FHL1: variants seen among roughly 807,000 people sequenced by gnomAD.
FHL1 encodes four and a half LIM domains 1.
In FHL1, 1 loss-of-function variant was observed where a neutral mutation model predicts 20.3. That is an observed-to-expected ratio of 0.05 (90% CI 0.02 to 0.23). The LOEUF is 0.23. FHL1 is among the 10% of genes least tolerant of loss of function. FHL1 has a pLI of 1.00. For missense variants in FHL1, 177 were observed against 234.0 expected (o/e 0.76, Z 1.59); for synonymous variants, 82 against 88.9 (o/e 0.92, Z 0.44).
chrX:136,167,524 C>A (rs1312264884), upstream of FHL1, among the ~76,000 whole-genome samples: 1 of 111,234 alleles, frequency 9.0e-6, no homozygotes, highest in Non-Finnish European at 1.9e-5. Context: ...CATTTCTTTG[C>A]CCCTGCCACC....
intron 1 of FHL1, among the ~76,000 whole-genome samples, chrX:136,149,925 T>C (rs926420511): frequency 1.8e-5 from 2 of 111,940 alleles, no homozygotes; most frequent in Admixed American, 9.5e-5. Flanking sequence ...CAAATAGCAA[T>C]TGAAAAAATA....
At position 136,197,076 on chromosome X, in the gene FHL1, T is replaced by C. The variant is rs1157748649; in HGVS notation, c.-37T>C. ...TTATCAGCTGGGGTTGAGGGAAGAC[T>C]GGTCTAGGTGCTGCTCCTGAACTTG... is the stretch of plus-strand genomic sequence containing the variant. On this transcript the variant is annotated 5_prime_UTR_variant, in exon 1 of 6. Coordinates refer to ENST00000370683, the MANE Select transcript of FHL1 (RefSeq NM_001159699.2). 8.4e-7 allele frequency: 1 copy of C among 1,197,431 alleles called. No individual in the cohort carries two copies. Among genetic ancestry groups the C allele is most frequent in the Non-Finnish European group, 1.1e-6 (1 of 886,227 alleles).
intron 2 of FHL1, among the ~76,000 whole-genome samples, chrX:136,172,334 C>A (rs893551312): frequency 7.1e-5 from 8 of 112,500 alleles, no homozygotes; most frequent in Admixed American, 4.7e-4. Context: ...AGCACAAAAA[C>A]AACAAAAAAA....
At chrX:136,199,927 T>C (rs2073662438) in intron 1 of FHL1, among the ~76,000 whole-genome samples, 1 of 111,374 alleles carries the variant, frequency 9.0e-6, no homozygotes, top group Non-Finnish European at 1.9e-5. Flanking sequence ...TAAATACAAA[T>C]CGACTGTAAT....
At chrX:136,179,565 G>C (rs1002322230) in intron 2 of FHL1, among the ~76,000 whole-genome samples, 1 of 112,263 alleles carries the variant, frequency 8.9e-6, no homozygotes, top group African/African-American at 3.2e-5. Flanking sequence ...GGAGCAAGAA[G>C]CCTGATGTTT....
chrX:136,171,361 C>T (rs2072863201), intron 2 of FHL1, among the ~76,000 whole-genome samples: 1 of 111,966 alleles, frequency 8.9e-6, no homozygotes, highest in African/African-American at 3.2e-5. Flanking sequence ...GGCTGTGACT[C>T]TCTGTCACCC....
At chrX:136,151,487 G>A (rs1180201486) in intron 1 of FHL1, among the ~76,000 whole-genome samples, 2 of 112,223 alleles carry the variant, frequency 1.8e-5, no homozygotes, top group Admixed American at 9.4e-5. Context: ...TGAGGCAAGC[G>A]GATCACTTGA....
At chrX:136,201,340 G>A (rs1265930379) in intron 1 of FHL1, among the ~76,000 whole-genome samples, 1 of 111,974 alleles carries the variant, frequency 8.9e-6, no homozygotes, top group Non-Finnish European at 1.9e-5. Flanking sequence ...CTTGGGGTGG[G>A]CTGTCCGCAT....
chrX:136,166,965 C>G (rs1471753954), upstream of FHL1: 1 of 112,087 alleles, frequency 8.9e-6, no homozygotes, highest in African/African-American at 3.2e-5. Context: ...CTCATAGAGG[C>G]TGGACAGCTA....
At chrX:136,189,319 T>C (rs1171071801) in intron 2 of FHL1, among the ~76,000 whole-genome samples, 1 of 111,398 alleles carries the variant, frequency 9.0e-6, no homozygotes, top group African/African-American at 3.3e-5. Context: ...TCCTGACCCA[T>C]GTTGAGTCCA....
At chrX:136,186,629 G>A (rs1173889770) in intron 2 of FHL1, among the ~76,000 whole-genome samples, 2 of 110,492 alleles carry the variant, frequency 1.8e-5, no homozygotes, top group African/African-American at 3.3e-5. Context: ...TTGGGAGACC[G>A]AGGTGGGTGG....
At position 136,207,803 on chromosome X, in the gene FHL1, G is replaced by T. The variant is rs374479477; in HGVS notation, c.391G>T (p.Val131Leu). ...FKAIVAGDQNVEYKGTVWHKD... is the reference protein window; with the variant it reads ...FKAIVAGDQNLEYKGTVWHKD... ...GCTTCCCTCTGCAGGAGATCAAAAC[G>T]TGGAGTACAAGGGGACCGTCTGGCA... The change falls in exon 4 of 6, where the codon GTG (valine) becomes TTG (leucine). Residue 131 changes from valine to leucine, a missense_variant. By Grantham distance (32) the Val-to-Leu change is conservative. Coordinates refer to ENST00000370683, the MANE Select transcript of FHL1 (RefSeq NM_001159699.2). 47 of 1,210,085 alleles carry T rather than the reference G, an allele frequency of 3.9e-5. No individual in the cohort carries two copies. The highest frequency in any genetic ancestry group is 5.0e-5 in the Non-Finnish European group (45 of 895,193).
At position 136,210,159 on chromosome X, in the gene FHL1, A is replaced by T. The variant is rs748709201; in HGVS notation, c.*134A>T. The T allele has an allele frequency of 2.3e-5, 21 of 927,548 alleles. No homozygotes were observed. Among genetic ancestry groups the T allele is most frequent in the Non-Finnish European group, 3.2e-5 (21 of 646,961 alleles). 76.4% of individuals were successfully genotyped at this position (927,548 alleles called of 1,213,427 possible). ...AAGTTCTCCTTCCGTCTTTTCTCCCATTTTACAGTATTACTCAAATAAGGG... is the reference window on the plus strand; with the variant it reads ...AAGTTCTCCTTCCGTCTTTTCTCCCTTTTTACAGTATTACTCAAATAAGGG... On this transcript the variant is annotated 3_prime_UTR_variant, in exon 6 of 6. Coordinates refer to ENST00000370683, the MANE Select transcript of FHL1 (RefSeq NM_001159699.2).
At chrX:136,209,812 C>T in intron 5 of FHL1, 59 bp from the exon 6 acceptor site, 1 of 1,158,072 alleles carries the variant, frequency 8.6e-7, no homozygotes, top group Non-Finnish European at 1.2e-6. Context: ...GGTTTCCTCA[C>T]CTGTATTCAT....
chrX:136,152,525 G>A (rs2072291954), intron 1 of FHL1, among the ~76,000 whole-genome samples: 1 of 110,919 alleles, frequency 9.0e-6, no homozygotes, highest in South Asian at 3.8e-4. Flanking sequence ...TTCAAGACCA[G>A]CCTGGCCAAC....
chrX:136,177,734 C>T (rs1019394780), intron 2 of FHL1, among the ~76,000 whole-genome samples: 9 of 112,102 alleles, frequency 8.0e-5, no homozygotes, highest in Non-Finnish European at 1.3e-4. Flanking sequence ...TCAGATCTGT[C>T]ATCAAGTTTA....
In FHL1 at chrX:136,208,358, T is replaced by C. The variant is rs963852061; in HGVS notation, c.550-97T>C. On this transcript the variant is annotated intron_variant, in intron 4 of 5. Transcript: ENST00000370683. Reference sequence around the variant, plus strand: ...GCTGTTGTGGAGATTAAATGAGATATTGTATACCAAAGCGCCCAGCACAGT... The same window carrying C: ...GCTGTTGTGGAGATTAAATGAGATACTGTATACCAAAGCGCCCAGCACAGT... 48 of 897,450 alleles carry C rather than the reference T, an allele frequency of 5.3e-5. No homozygotes were observed. In the South Asian group the frequency reaches 9.2e-4, roughly 17 times the overall value. The allele number at this position is 897,450 out of a possible 1,213,427, so 74.0% of individuals were successfully genotyped here.
upstream of FHL1, chrX:136,167,835 C>G (rs1395739706): frequency 9.0e-6 from 1 of 111,049 alleles, no homozygotes; most frequent in Non-Finnish European, 1.9e-5. Flanking sequence ...TGAATTGTAC[C>G]CATCTCTAGG....
At chrX:136,187,472 A>G (rs1474883792) in intron 2 of FHL1, among the ~76,000 whole-genome samples, 5 of 112,633 alleles carry the variant, frequency 4.4e-5, no homozygotes, top group Non-Finnish European at 9.4e-5. Flanking sequence ...TCAGCCATAA[A>G]GAGAACTGAA....
Sources: allele counts gnomAD v4.1 joint callset (sites outside exome capture counted in the v4.1 genomes callset), GRCh38; gene constraint gnomAD v4.1.1; transcripts MANE v1.5; gene names NCBI Gene and HGNC (gene_info 2026-07-23, HGNC 2026-07-21).